Variants in MYH10 observed in about 807,000 individuals in gnomAD.
MYH10 encodes myosin heavy chain 10.
Under a neutral mutation model 257.8 loss-of-function variants are expected in MYH10, and 55 were observed. The ratio of observed to expected loss-of-function variants is 0.21; its 90% CI spans 0.17 to 0.27. The LOEUF is 0.27. MYH10 is among the 10% of genes least tolerant of loss of function. The probability of loss-of-function intolerance (pLI) is 1.00; values close to 1 mark genes in which losing one functional copy is unlikely to be tolerated. For synonymous variants in MYH10, 854 were observed against 921.7 expected, an observed-to-expected ratio of 0.93 and a Z score of 1.33; for missense variants, 1,631 against 2,500.6, an observed-to-expected ratio of 0.65 and a Z score of 7.42.
In MYH10 at chr17:8,509,924, T is replaced by C. The variant is rs980413181; in HGVS notation, c.2978A>G (p.Glu993Gly). Residue 993 changes from glutamate (E) to glycine (G), a missense_variant, in exon 25 of 43, where the codon GAG becomes GGG. Glu to Gly is a moderately conservative substitution (Grantham distance 98). Transcript: ENST00000360416. ...CTGCAGCTTTTGCCGAGCCCCTTCC[T>C]CCTCGTCTAGCTGTTCTTCCAGGTC... ...IQDLEEQLDEEEGARQKLQLE... is the reference protein window; with the variant it reads ...IQDLEEQLDEGEGARQKLQLE... The C allele has an allele frequency of 1.9e-6, 3 of 1,612,458 alleles. No individual in the cohort carries two copies. Among genetic ancestry groups the C allele is most frequent in the Non-Finnish European group, 2.5e-6 (3 of 1,179,252 alleles).
Position 8,572,019 on chromosome 17 carries a change from T to A in MYH10, c.664-2207A>T, listed in dbSNP as rs191253584. 6.6e-5 allele frequency among the ~76,000 whole-genome samples: 10 copies of A among 152,120 alleles called. No homozygotes were observed. The East Asian group carries it at 1.9e-3, about 29-fold the overall frequency. The stretch of plus-strand genomic sequence containing the variant: ...TCTAGTAAGTGGGACATTACCTTAA[T>A]ACTAAATATCTACTGCTAGACTTTG... On this transcript the variant is annotated intron_variant, in intron 6 of 42. Coordinates refer to ENST00000360416, the MANE Select transcript of MYH10 (RefSeq NM_001256012.3).
intron 38 of MYH10, 44 bp downstream of exon 38, chr17:8,481,277 CG>C (rs1567768894): frequency 1.3e-6 from 2 of 1,581,688 alleles, no homozygotes; most frequent in Non-Finnish European, 1.7e-6. Context: ...CAGCAGTGCG[CG>C]TGCCTGAGGG....
intron 14 of MYH10, among the ~76,000 whole-genome samples, chr17:8,538,550 G>A (rs895346839): frequency 5.9e-5 from 9 of 152,160 alleles, no homozygotes; most frequent in African/African-American, 2.2e-4. Context: ...TGAATAAGTA[G>A]AATAATCCTC....
At chr17:8,571,479 A>T (rs2083340032) in intron 6 of MYH10, among the ~76,000 whole-genome samples, 1 of 152,042 alleles carries the variant, frequency 6.6e-6, no homozygotes, top group African/African-American at 2.4e-5. Context: ...ACTGAGAGCC[A>T]TTGTTAAAAA....
chr17:8,503,300 A>AAAT (rs397978519), intron 28 of MYH10, among the ~76,000 whole-genome samples: 16 of 150,360 alleles, frequency 1.1e-4, no homozygotes, highest in East Asian at 5.9e-4. Flanking sequence ...ATATAAAATA[A>AAAT]AAAATAAAAT....
intron 6 of MYH10, chr17:8,573,717 T>C (rs2083418133): frequency 5.6e-6 from 3 of 533,398 alleles, no homozygotes; most frequent in East Asian, 2.9e-4. Flanking sequence ...AATTTTGTTA[T>C]AAAAAGTACA....
intron 3 of MYH10, among the ~76,000 whole-genome samples, chr17:8,602,110 G>C (rs1567966247): frequency 6.6e-6 from 1 of 152,126 alleles, no homozygotes; most frequent in East Asian, 1.9e-4. Context: ...CGAGTAGCTG[G>C]GACTACAGGC....
intron 3 of MYH10, among the ~76,000 whole-genome samples, chr17:8,599,032 G>GT: frequency 6.6e-6 from 1 of 152,194 alleles, no homozygotes; most frequent in East Asian, 1.9e-4. Context: ...TAAAGAATCT[G>GT]TAAGTTTTGA....
chr17:8,597,633 T>TTG (rs397956411), intron 3 of MYH10, among the ~76,000 whole-genome samples: 2 of 151,566 alleles, frequency 1.3e-5, no homozygotes, highest in East Asian at 3.9e-4. Context: ...TTTTTTTTTT[T>TTG]GAGATGGAGT....
intron 4 of MYH10, among the ~76,000 whole-genome samples, chr17:8,586,243 T>G (rs910244313): frequency 6.6e-6 from 1 of 152,238 alleles, no homozygotes; most frequent in African/African-American, 2.4e-5. Context: ...CTTTTATTTC[T>G]ATAATTCCAT....
intron 1 of MYH10, among the ~76,000 whole-genome samples, chr17:8,630,071 C>A (rs1218788127): frequency 1.3e-5 from 2 of 152,008 alleles, no homozygotes; most frequent in Admixed American, 6.5e-5. Context: ...GGGGACCGGT[C>A]GCGCCAGGCC....
At chr17:8,507,710 G>A (rs2081118261) in intron 26 of MYH10, among the ~76,000 whole-genome samples, 1 of 152,208 alleles carries the variant, frequency 6.6e-6, no homozygotes, top group East Asian at 1.9e-4. Flanking sequence ...CATGGCTCAC[G>A]CCTGTAATCC....
chr17:8,481,277 C>T (rs370951417), intron 38 of MYH10, 45 bp downstream of exon 38: 32 of 1,581,568 alleles, frequency 2.0e-5, no homozygotes, highest in Admixed American at 1.3e-4. Context: ...CAGCAGTGCG[C>T]GTGCCTGAGG....
intron 34 of MYH10, among the ~76,000 whole-genome samples, chr17:8,491,880 G>T (rs1015300193): frequency 6.6e-6 from 1 of 152,178 alleles, no homozygotes; most frequent in African/African-American, 2.4e-5. Context: ...AAAACAGTGG[G>T]GCCTCCCTGG....
At chr17:8,555,141 C>G (rs1437292747) in intron 7 of MYH10, among the ~76,000 whole-genome samples, 2 of 151,744 alleles carry the variant, frequency 1.3e-5, no homozygotes, top group East Asian at 3.9e-4. Flanking sequence ...AAAAATTAAA[C>G]ATGTTAAACA....
intron 36 of MYH10, among the ~76,000 whole-genome samples, chr17:8,486,937 C>A (rs1914913796): frequency 6.6e-6 from 1 of 152,200 alleles, no homozygotes; most frequent in Non-Finnish European, 1.5e-5. Flanking sequence ...AAGTTTTCAT[C>A]ATTAACGGAC....
intron 1 of MYH10, among the ~76,000 whole-genome samples, chr17:8,627,974 A>G (rs910351015): frequency 5.9e-5 from 9 of 152,250 alleles, no homozygotes; most frequent in African/African-American, 2.2e-4. Context: ...TCAGCTCCAG[A>G]GTACACACTA....
intron 16 of MYH10, among the ~76,000 whole-genome samples, chr17:8,534,305 C>T (rs1412749800): frequency 2.0e-5 from 3 of 152,182 alleles, no homozygotes; most frequent in Admixed American, 6.5e-5. Flanking sequence ...GTCTTTCCCC[C>T]AGGTCCCTCC....
At chr17:8,625,725 C>G (rs970419386) in intron 1 of MYH10, among the ~76,000 whole-genome samples, 4 of 152,198 alleles carry the variant, frequency 2.6e-5, no homozygotes, top group African/African-American at 2.4e-5. Context: ...AGGTGATCCA[C>G]CTGCCTCGGC....
Sources: allele counts gnomAD v4.1 joint callset (sites outside exome capture counted in the v4.1 genomes callset), GRCh38; gene constraint gnomAD v4.1.1; transcripts MANE v1.5; gene names NCBI Gene and HGNC (gene_info 2026-07-23, HGNC 2026-07-21).